Variants in FRYL observed in about 807,000 individuals in gnomAD.
FRYL encodes the protein FRY like transcription coactivator, also known as protein furry homolog-like.
FRYL carries 150 observed loss-of-function variants against 351.2 expected under a neutral mutation model. The observed-to-expected ratio is 0.43, with a 90% CI of 0.37 to 0.49. The LOEUF (loss-of-function observed/expected upper bound fraction) is 0.49. Ranked by LOEUF, FRYL falls within the 20% of genes least tolerant of loss-of-function variation. The probability of loss-of-function intolerance (pLI) is 0.00; values close to 1 mark genes in which losing one functional copy is unlikely to be tolerated. For missense variants in FRYL, 3,036 were observed against 3,619.3 expected (o/e 0.84, Z 4.13); for synonymous variants, 1,153 against 1,257.1 (o/e 0.92, Z 1.75).
Position 48,521,195 on chromosome 4 carries a change from A to C in FRYL, c.7542T>G (p.Thr2514=), listed in dbSNP as rs746224903. ...RTQMLNSDSA[T]DETIPDHPDL... is the part of the protein sequence containing the mutation. ...CAGGATGGTCTGGTATTGTTTCATC[A>C]GTGGCAGAATCACTGTTTAACTAAA... The change falls in exon 55 of 64, where the codon ACT becomes ACG. Residue 2514 remains threonine, a synonymous_variant. Coordinates refer to ENST00000358350, the MANE Select transcript of FRYL (RefSeq NM_015030.2). 1 of 1,608,194 alleles carries C rather than the reference A, an allele frequency of 6.2e-7. No homozygotes were observed. The highest frequency in any genetic ancestry group is 1.1e-5 in the South Asian group (1 of 89,422).
chr4:48,775,240 T>A (rs1231102455), intron 1 of FRYL, among the ~76,000 whole-genome samples: 1 of 152,208 alleles, frequency 6.6e-6, no homozygotes, highest in Non-Finnish European at 1.5e-5. Flanking sequence ...AATGAGTGAA[T>A]AATAAGTTCA....
intron 32 of FRYL, 99 bp downstream of exon 32, chr4:48,562,790 G>T: frequency 1.4e-6 from 1 of 697,684 alleles, no homozygotes; most frequent in South Asian, 1.7e-5. Context: ...TATAAATAAA[G>T]CTAAATACTA....
chr4:48,589,067 A>G (rs983347087), intron 18 of FRYL, among the ~76,000 whole-genome samples: 4 of 152,344 alleles, frequency 2.6e-5, no homozygotes, highest in South Asian at 4.1e-4. Context: ...AAATAAATTG[A>G]GATTAAATAC....
chr4:48,541,428 T>G (rs1043735053), intron 45 of FRYL, among the ~76,000 whole-genome samples: 1 of 152,216 alleles, frequency 6.6e-6, no homozygotes, highest in African/African-American at 2.4e-5. Flanking sequence ...GCTTTTTATG[T>G]TTGCCAGCTG....
rs533028932 is a variant in FRYL at position 48,708,396 on chromosome 4, G to A, written c.-204+2123C>T. Among the ~76,000 whole-genome samples, 263 of 152,256 alleles carry A rather than the reference G, an allele frequency of 1.7e-3. 1 individual carries two copies. Among genetic ancestry groups the A allele is most frequent in the African/African-American group, 6.3e-3 (260 of 41,548 alleles). On this transcript the variant is annotated intron_variant, in intron 2 of 63. Coordinates refer to ENST00000358350, the MANE Select transcript of FRYL (RefSeq NM_015030.2). ...GCACAAGAATTGCTTGAACCTGGGA[G>A]GTGGAAGTTGCAGTGAGCCGAGATC...
chr4:48,750,232 G>A (rs192620642), intron 1 of FRYL, among the ~76,000 whole-genome samples: 86 of 151,828 alleles, frequency 5.7e-4, no homozygotes, highest in Admixed American at 7.9e-4. Context: ...AGGCCGAGGC[G>A]AACAAATCGC....
At chr4:48,685,969 G>A (rs1252064126) in intron 2 of FRYL, among the ~76,000 whole-genome samples, 6 of 152,050 alleles carry the variant, frequency 3.9e-5, no homozygotes, top group Non-Finnish European at 7.4e-5. Flanking sequence ...TGGCTAGGCT[G>A]GTATCCAACT....
chr4:48,511,683 G>T (rs1329185268), intron 57 of FRYL, among the ~76,000 whole-genome samples: 1 of 152,170 alleles, frequency 6.6e-6, no homozygotes, highest in Non-Finnish European at 1.5e-5. Flanking sequence ...AAGTAGTGAT[G>T]CAATAAGTAC....
intron 35 of FRYL, among the ~76,000 whole-genome samples, chr4:48,553,675 A>C (rs1252107212): frequency 6.6e-6 from 1 of 151,710 alleles, no homozygotes; most frequent in South Asian, 2.1e-4. Flanking sequence ...AAAAAAAAAC[A>C]AAAAAATACT....
At chr4:48,621,563 C>G (rs536006965) in intron 5 of FRYL, among the ~76,000 whole-genome samples, 9 of 152,116 alleles carry the variant, frequency 5.9e-5, no homozygotes, top group Non-Finnish European at 1.3e-4. Context: ...TGTGATTCAA[C>G]CCATTTCTCA....
At chr4:48,557,423 C>T (rs921881874) in intron 34 of FRYL, 30 bp downstream of exon 34, 8 of 1,610,462 alleles carry the variant, frequency 5.0e-6, no homozygotes, top group African/African-American at 1.3e-5. Context: ...TAATTCTGTG[C>T]AGCAATTATA....
At chr4:48,710,809 A>G (rs1487608588) in intron 1 of FRYL, 111 bp from the exon 2 acceptor site, 1 of 388,350 alleles carries the variant, frequency 2.6e-6, no homozygotes, top group Non-Finnish European at 4.5e-6. Context: ...CAAGTTCCTC[A>G]AAGGTGAAAC....
chr4:48,594,739 A>G (rs1369286565), intron 15 of FRYL, among the ~76,000 whole-genome samples: 1 of 152,198 alleles, frequency 6.6e-6, no homozygotes, highest in Non-Finnish European at 1.5e-5. Flanking sequence ...TTTCAGTTGA[A>G]AGAGAATGCA....
At chr4:48,534,343 G>GA (rs1278446425) in intron 49 of FRYL, among the ~76,000 whole-genome samples, 9 of 152,110 alleles carry the variant, frequency 5.9e-5, no homozygotes, top group African/African-American at 2.2e-4. Flanking sequence ...TTGTTAATAC[G>GA]AAAAGTAGAA....
intron 23 of FRYL, among the ~76,000 whole-genome samples, chr4:48,576,494 T>A (rs1378773617): frequency 6.6e-6 from 1 of 151,972 alleles, no homozygotes; most frequent in African/African-American, 2.4e-5. Context: ...TTGGTAGAGA[T>A]GAGGTTTCGT....
chr4:48,520,003 T>C (rs1283348883), intron 55 of FRYL, among the ~76,000 whole-genome samples: 4 of 152,212 alleles, frequency 2.6e-5, no homozygotes, highest in Non-Finnish European at 5.9e-5. Context: ...AGTGCTGGGA[T>C]TACAGGCGTA....
chr4:48,632,091 A>T (rs7678574), intron 4 of FRYL, among the ~76,000 whole-genome samples: 1,083 of 23,130 alleles, frequency 0.047, 47 homozygotes, highest in South Asian at 0.12. Context: ...AAAAAAAAAA[A>T]ATATATATAT....
chr4:48,575,147 C>T lies in FRYL; in HGVS notation c.2816G>A (p.Gly939Asp), dbSNP rs1171099511. 1 of 1,613,780 alleles carries T rather than the reference C, an allele frequency of 6.2e-7. No individual in the cohort carries two copies. The highest frequency in any genetic ancestry group is 1.3e-5 in the African/African-American group (1 of 74,902). ...SMEITESLVL[G>D]LGRTNPGAFR... ...AGCTCCTGGGTTGGTCCTGCCAAGA[C>T]CTAGAACAAGGGATTCTGTGATTTC... is the stretch of plus-strand genomic sequence containing the variant. Residue 939 changes from glycine (G) to aspartate (D), a missense_variant, in exon 25 of 64, where the codon GGT (glycine) becomes GAT (aspartate). Around this residue, in one of 7 missense-constraint regions of FRYL, gnomAD observed 492 missense variants for 551.5 expected, o/e 0.89. Transcript: ENST00000358350.
At chr4:48,593,506 G>A (rs539525418) in intron 16 of FRYL, among the ~76,000 whole-genome samples, 173 of 152,164 alleles carry the variant, frequency 1.1e-3, no homozygotes, top group African/African-American at 3.3e-3. Flanking sequence ...CACCACTCCC[G>A]GCTAATTTTG....
Sources: allele counts gnomAD v4.1 joint callset (sites outside exome capture counted in the v4.1 genomes callset), GRCh38; gene constraint gnomAD v4.1.1; regional missense constraint gnomAD v4.1.1; transcripts MANE v1.5; gene names NCBI Gene and HGNC (gene_info 2026-07-23, HGNC 2026-07-21).